Variants in SLC20A2 observed in about 807,000 individuals in gnomAD.
SLC20A2 encodes sodium-dependent phosphate transporter 2.
SLC20A2 carries 30 observed loss-of-function variants against 61.0 expected under a neutral mutation model. The ratio of observed to expected loss-of-function variants is 0.49; its 90% CI spans 0.37 to 0.67. The LOEUF (loss-of-function observed/expected upper bound fraction) is 0.67, where lower values mean the gene tolerates loss of function less well. SLC20A2 is among the 30% of genes least tolerant of loss of function. The pLI is 0.00. For synonymous variants in SLC20A2, 351 were observed against 353.3 expected (o/e 0.99, Z 0.07); for missense variants, 626 against 866.4 (o/e 0.72, Z 3.48).
intron 1 of SLC20A2, chr8:42,484,460 T>C (rs1808789494): frequency 6.5e-6 from 1 of 152,734 alleles, no homozygotes; most frequent in African/African-American, 2.4e-5. Context: ...CACAAAACCA[T>C]GGGATGGCAG....
chr8:42,455,564 G>T (rs999622703), intron 5 of SLC20A2, among the ~76,000 whole-genome samples: 11 of 151,920 alleles, frequency 7.2e-5, no homozygotes, highest in African/African-American at 2.4e-4. Flanking sequence ...GGAGGCTGAG[G>T]CAGGAGAATG....
chr8:42,448,353 C>T (rs1277868476), intron 5 of SLC20A2, among the ~76,000 whole-genome samples: 1 of 152,182 alleles, frequency 6.6e-6, no homozygotes, highest in Non-Finnish European at 1.5e-5. Flanking sequence ...AACGCTTTTG[C>T]TATCAGGCCC....
At chr8:42,511,968 G>A (rs1244741663) in intron 1 of SLC20A2, among the ~76,000 whole-genome samples, 2 of 152,098 alleles carry the variant, frequency 1.3e-5, no homozygotes, top group Non-Finnish European at 2.9e-5. Flanking sequence ...TAATCCAAGA[G>A]ACCATTCTGA....
chr8:42,442,645 C>A (rs777886429), intron 6 of SLC20A2, among the ~76,000 whole-genome samples: 9 of 152,180 alleles, frequency 5.9e-5, no homozygotes, highest in Admixed American at 2.6e-4. Context: ...CAACTTTTTT[C>A]TTTTCCAAAA....
chr8:42,441,142 CTTTTT>C (rs112150338), intron 6 of SLC20A2, among the ~76,000 whole-genome samples: 1 of 125,594 alleles, frequency 8.0e-6, no homozygotes, highest in Non-Finnish European at 1.7e-5. Flanking sequence ...ATATTTTGCT[CTTTTT>C]TTTTTTTTTT....
Position 42,437,023 on chromosome 8 carries a change from A to G in SLC20A2, c.1489T>C (p.Phe497Leu). 1 of 1,612,056 alleles carries G rather than the reference A, an allele frequency of 6.2e-7. No homozygotes were observed. Among genetic ancestry groups the G allele is most frequent in the Non-Finnish European group, 8.5e-7 (1 of 1,178,938 alleles). The change falls in exon 8 of 11, where the codon TTC becomes CTC. Residue 497 changes from phenylalanine (F) to leucine (L), a missense_variant. By Grantham distance (22) the Phe-to-Leu change is conservative. This residue lies in a region of SLC20A2 where 138 missense variants were observed against 228.7 expected (regional missense o/e 0.60). Transcript: ENST00000520262. This position sits in a 1 kb window ranked among gnomAD's most constrained non-coding sequence, Gnocchi z 6.4. ...FHFLQVLTAC[F>L]GSFAHGGNDV... ...TTGCCGCCGTGAGCAAAGGACCCGA[A>G]ACAGGCGGTGAGGACCTGCAGGAAA...
At position 42,535,982 on chromosome 8, in the gene SLC20A2, C is replaced by T. The variant is rs139578773; in HGVS notation, c.-265+5839G>A. On this transcript the variant is annotated intron_variant, in intron 1 of 10. Coordinates refer to the SLC20A2 transcript ENST00000342228. ...AGATTTCATTAAATTATCCTAGCTT[C>T]GTAGGCTGAAAATAAATTAATCAGT... 1.4e-3 allele frequency among the ~76,000 whole-genome samples: 216 copies of T among 152,236 alleles called. 1 individual carries two copies. Among genetic ancestry groups the T allele is most frequent in the Non-Finnish European group, 2.2e-3 (152 of 68,020 alleles).
At chr8:42,440,049 C>T (rs1358893687) in intron 6 of SLC20A2, among the ~76,000 whole-genome samples, 10 of 150,884 alleles carry the variant, frequency 6.6e-5, no homozygotes, top group East Asian at 3.9e-4. Flanking sequence ...TGCGCCACTG[C>T]GCTCCAGCCT....
intron 8 of SLC20A2, among the ~76,000 whole-genome samples, chr8:42,431,896 T>C (rs1803897416): frequency 6.6e-6 from 1 of 152,236 alleles, no homozygotes; most frequent in South Asian, 2.1e-4. Flanking sequence ...GAAAAAAATA[T>C]TAATATTTCA....
chr8:42,526,279 A>C (rs970193666), intron 1 of SLC20A2, among the ~76,000 whole-genome samples: 10 of 152,210 alleles, frequency 6.6e-5, no homozygotes, highest in African/African-American at 2.4e-4. Context: ...ACCATGAGAA[A>C]AACAACAGAC....
chr8:42,503,548 TTAA>T (rs1473534914), upstream of SLC20A2, among the ~76,000 whole-genome samples: 18 of 152,326 alleles, frequency 1.2e-4, no homozygotes, highest in African/African-American at 4.1e-4. Flanking sequence ...TAAAATTAAT[TTAA>T]TAATATATTT....
intron 1 of SLC20A2, among the ~76,000 whole-genome samples, chr8:42,483,722 G>A (rs1048407343): frequency 2.0e-5 from 3 of 152,190 alleles, no homozygotes; most frequent in Admixed American, 6.5e-5. Context: ...ATATTCGTGA[G>A]CAAATCGCTT....
chr8:42,471,036 T>C (rs114392767), intron 2 of SLC20A2: 2 of 353,290 alleles, frequency 5.7e-6, no homozygotes, highest in Non-Finnish European at 1.1e-5. Context: ...CGGGGGAATG[T>C]GGCTGTATTC....
intron 1 of SLC20A2, among the ~76,000 whole-genome samples, chr8:42,490,692 G>A (rs1202865731): frequency 6.6e-6 from 1 of 152,132 alleles, no homozygotes; most frequent in Non-Finnish European, 1.5e-5. Context: ...AAGATGAGGT[G>A]GAAACCAAAC....
At chr8:42,515,601 T>C (rs572949866) in intron 1 of SLC20A2, among the ~76,000 whole-genome samples, 1 of 152,242 alleles carries the variant, frequency 6.6e-6, no homozygotes, top group Admixed American at 6.5e-5. Context: ...AGCCACTAAG[T>C]GCTGAAGCCA....
At chr8:42,466,999 G>A (rs796699073) in intron 2 of SLC20A2, among the ~76,000 whole-genome samples, 3 of 152,022 alleles carry the variant, frequency 2.0e-5, no homozygotes, top group Admixed American at 6.6e-5. Context: ...CAGAGACGGG[G>A]GTCTTGCTAT....
In SLC20A2 at chr8:42,430,256, A is replaced by G. The variant is rs2130965697; in HGVS notation, c.1524-7T>C. The G allele has an allele frequency of 6.2e-7, 1 of 1,605,852 alleles. No homozygotes were observed. Among genetic ancestry groups the G allele is most frequent in the South Asian group, 1.1e-5 (1 of 89,834 alleles). On this transcript the variant is annotated splice_region_variant and splice_polypyrimidine_tract_variant and intron_variant, in intron 8 of 10. Coordinates refer to ENST00000520262, the MANE Select transcript of SLC20A2 (RefSeq NM_001257180.2). ...CAGGGGACCGATGGCATTACTGGGAAAAATAAAAAGAGAAAAGATTAACTA... is the reference window on the plus strand; with the variant it reads ...CAGGGGACCGATGGCATTACTGGGAGAAATAAAAAGAGAAAAGATTAACTA...
At chr8:42,475,600 G>T (rs1339519162) in intron 1 of SLC20A2, among the ~76,000 whole-genome samples, 1 of 151,746 alleles carries the variant, frequency 6.6e-6, no homozygotes, top group African/African-American at 2.4e-5. Context: ...TTGTAGAGAT[G>T]GGGTTTCACC....
chr8:42,440,288 C>G (rs1371006594), intron 6 of SLC20A2, among the ~76,000 whole-genome samples: 1 of 152,008 alleles, frequency 6.6e-6, no homozygotes, highest in African/African-American at 2.4e-5. Flanking sequence ...CTATAGCCAC[C>G]CAGACTGGCC....
Sources: allele counts gnomAD v4.1 joint callset (sites outside exome capture counted in the v4.1 genomes callset), GRCh38; gene constraint gnomAD v4.1.1; regional missense constraint gnomAD v4.1.1; non-coding constraint Gnocchi (gnomAD v3.1); transcripts MANE v1.5; gene names NCBI Gene and HGNC (gene_info 2026-07-23, HGNC 2026-07-21).